DLG2: variants seen among roughly 807,000 people sequenced by gnomAD.
The protein encoded by DLG2 is disks large homolog 2.
Under a neutral mutation model 132.5 loss-of-function variants are expected in DLG2, and 45 were observed. The ratio of observed to expected loss-of-function variants is 0.34; its 90% confidence interval spans 0.27 to 0.44. The LOEUF (loss-of-function observed/expected upper bound fraction) is 0.44. Among genes scored for constraint, DLG2 ranks in the 20% least tolerant of loss-of-function variants. The probability of loss-of-function intolerance (pLI) is 1.00; values close to 1 mark genes in which losing one functional copy is unlikely to be tolerated. For synonymous variants in DLG2, 424 were observed against 419.6 expected, an observed-to-expected ratio of 1.01 and a Z score of -0.13; for missense variants, 1,045 against 1,196.9, an observed-to-expected ratio of 0.87 and a Z score of 1.87.
In DLG2 at chr11:83,458,458, C is replaced by G. The variant is rs772324696; in HGVS notation, c.*1360G>C. 3 of 152,794 alleles carry G rather than the reference C, an allele frequency of 2.0e-5. No homozygotes were observed. Among genetic ancestry groups the G allele is most frequent in the Non-Finnish European group, 4.4e-5 (3 of 68,202 alleles). 9.5% of individuals were successfully genotyped at this position (152,794 alleles called of 1,614,324 possible). ...TATCTCTTTGCTCTGTACATAGAAA[C>G]AAAAAAGTCTGCACCCCCTCACCCC... On this transcript the variant is annotated 3_prime_UTR_variant, in exon 28 of 28. Transcript: ENST00000376104.
chr11:84,485,318 C>G (rs1054109713), intron 7 of DLG2, among the ~76,000 whole-genome samples: 1 of 152,168 alleles, frequency 6.6e-6, no homozygotes, highest in Non-Finnish European at 1.5e-5. Context: ...AATAATGAGA[C>G]TAAATAACAT....
intron 21 of DLG2, among the ~76,000 whole-genome samples, chr11:83,492,858 G>A (rs937209579): frequency 2.0e-4 from 31 of 152,148 alleles, no homozygotes; most frequent in African/African-American, 7.0e-4. Context: ...CTCAGCTGGT[G>A]TTCCTGCTTC....
intron 7 of DLG2, among the ~76,000 whole-genome samples, chr11:84,479,062 ATCT>A (rs1397467104): frequency 6.6e-6 from 1 of 152,086 alleles, no homozygotes; most frequent in Admixed American, 6.6e-5. Flanking sequence ...TTGCTGGAAA[ATCT>A]TCACTGTACT....
chr11:84,381,473 A>T (rs1008660890), intron 7 of DLG2, among the ~76,000 whole-genome samples: 2 of 152,146 alleles, frequency 1.3e-5, no homozygotes, highest in African/African-American at 4.8e-5. Flanking sequence ...AGCTATATAC[A>T]TGTTCTTCAT....
chr11:85,180,241 A>C (rs993819006), intron 4 of DLG2, among the ~76,000 whole-genome samples: 1 of 151,896 alleles, frequency 6.6e-6, no homozygotes, highest in African/African-American at 2.4e-5. Flanking sequence ...AATCCACCAG[A>C]GAACAGTTGT....
chr11:84,886,063 C>T (rs1943728), intron 6 of DLG2, among the ~76,000 whole-genome samples: 64,251 of 151,472 alleles, frequency 0.42, 13,999 homozygotes, highest in Middle Eastern at 0.45. Context: ...GGGAGATAGA[C>T]TCACAAACAC....
At chr11:84,360,921 G>A (rs1567402877) in intron 7 of DLG2, among the ~76,000 whole-genome samples, 3 of 151,632 alleles carry the variant, frequency 2.0e-5, no homozygotes, top group Admixed American at 1.3e-4. Flanking sequence ...TGAGAGAAAT[G>A]GAAGATTTTT....
chr11:84,272,971 A>G (rs920045611), intron 7 of DLG2, among the ~76,000 whole-genome samples: 2 of 152,180 alleles, frequency 1.3e-5, no homozygotes, highest in African/African-American at 4.8e-5. Context: ...GCTTGGACAT[A>G]TTAAGAATTA....
intron 3 of DLG2, among the ~76,000 whole-genome samples, chr11:85,559,268 C>T (rs2077095714): frequency 6.6e-6 from 1 of 151,048 alleles, no homozygotes; most frequent in African/African-American, 2.4e-5. Context: ...TCTCCTGCCT[C>T]AGCCTCCCGA....
chr11:83,735,129 G>A (rs144917177), intron 18 of DLG2, among the ~76,000 whole-genome samples: 125 of 152,078 alleles, frequency 8.2e-4, no homozygotes, highest in African/African-American at 2.8e-3. Flanking sequence ...AATATTGGCC[G>A]ATTAGAGAGG....
At chr11:83,860,749 G>T (rs527700011) in intron 16 of DLG2, among the ~76,000 whole-genome samples, 46 of 152,244 alleles carry the variant, frequency 3.0e-4, no homozygotes, top group African/African-American at 1.1e-3. Context: ...GGAATAATAT[G>T]GCTTCACTGT....
chr11:83,599,990 T>C (rs1369184403), intron 19 of DLG2, among the ~76,000 whole-genome samples: 1 of 152,206 alleles, frequency 6.6e-6, no homozygotes, highest in East Asian at 1.9e-4. Flanking sequence ...TTGAGATTGT[T>C]AGATAAATTG....
rs1458750125 is a variant in DLG2 at position 85,425,656 on chromosome 11, G to A, written c.41-140291C>T. 3.3e-5 allele frequency among the ~76,000 whole-genome samples: 5 copies of A among 152,074 alleles called. No homozygotes were observed. The East Asian group carries it at 5.8e-4, about 18-fold the overall frequency. ...ATTCTAAACAAGAAAAAAATCGGGG[G>A]TGGAGGCAAGATGGCCAAATAGGAA... On this transcript the variant is annotated intron_variant, in intron 3 of 27. Coordinates refer to ENST00000376104, the MANE Select transcript of DLG2 (RefSeq NM_001142699.3).
intron 9 of DLG2, among the ~76,000 whole-genome samples, chr11:84,152,001 C>A (rs184406457): frequency 9.1e-4 from 139 of 152,186 alleles, no homozygotes; most frequent in African/African-American, 3.2e-3. Flanking sequence ...CATATACAGA[C>A]AAGAAGAATG....
At chr11:84,486,667 C>T (rs1052699275) in intron 7 of DLG2, among the ~76,000 whole-genome samples, 9 of 152,010 alleles carry the variant, frequency 5.9e-5, no homozygotes, top group African/African-American at 2.2e-4. Flanking sequence ...AGGAAAAAGT[C>T]CTATGAATGT....
chr11:84,207,077 C>A (rs555221819), intron 8 of DLG2, among the ~76,000 whole-genome samples: 2,387 of 106,230 alleles, frequency 0.022, 49 homozygotes, highest in African/African-American at 0.068. Context: ...CTCTCTCTCT[C>A]TCTCTATATA....
chr11:85,422,013 C>A (rs190827433), intron 3 of DLG2, among the ~76,000 whole-genome samples: 2 of 152,154 alleles, frequency 1.3e-5, no homozygotes, highest in Non-Finnish European at 2.9e-5. Flanking sequence ...GAAGATAGGG[C>A]CCCAATCCCT....
At chr11:83,732,977 C>G (rs2091282487) in intron 18 of DLG2, among the ~76,000 whole-genome samples, 1 of 152,160 alleles carries the variant, frequency 6.6e-6, no homozygotes, top group South Asian at 2.1e-4. Context: ...CGCGACGGCT[C>G]ACGCCTGTAA....
At chr11:84,361,705 G>A (rs558978750) in intron 7 of DLG2, among the ~76,000 whole-genome samples, 5 of 151,914 alleles carry the variant, frequency 3.3e-5, no homozygotes, top group African/African-American at 1.2e-4. Context: ...AGATATAAAT[G>A]ACTATTTAAA....
Sources: allele counts gnomAD v4.1 joint callset (sites outside exome capture counted in the v4.1 genomes callset), GRCh38; gene constraint gnomAD v4.1.1; transcripts MANE v1.5; gene names NCBI Gene and HGNC (gene_info 2026-07-23, HGNC 2026-07-21).